Variants in NADSYN1 observed in about 807,000 individuals in gnomAD.
NADSYN1 encodes glutamine-dependent NAD(+) synthetase.
NADSYN1 carries 80 observed loss-of-function variants against 99.3 expected under a neutral mutation model. The observed-to-expected ratio is 0.81, with a 90% CI of 0.67 to 0.97. The LOEUF is 0.97. Ranked by LOEUF, NADSYN1 falls within the 50% of genes least tolerant of loss-of-function variation. NADSYN1 has a pLI of 0.00. For synonymous variants in NADSYN1, 385 were observed against 372.1 expected, an observed-to-expected ratio of 1.03 and a Z score of -0.40; for missense variants, 859 against 948.5, an observed-to-expected ratio of 0.91 and a Z score of 1.24.
intron 16 of NADSYN1, among the ~76,000 whole-genome samples, chr11:71,485,887 C>T (rs893896207): frequency 1.9e-4 from 29 of 152,152 alleles, no homozygotes; most frequent in South Asian, 2.1e-4. Context: ...ATCTCTACTG[C>T]GCCTCAAATT....
intron 5 of NADSYN1, among the ~76,000 whole-genome samples, chr11:71,467,301 A>G (rs543557285): frequency 2.0e-5 from 3 of 152,370 alleles, no homozygotes; most frequent in East Asian, 3.9e-4. Flanking sequence ...CGCTGGGCAC[A>G]GGCAAACAGA....
At position 71,487,825 on chromosome 11, in the gene NADSYN1, C is replaced by T. The variant is rs543406315; in HGVS notation, c.1562+2177C>T. ...CAGCCTGGGCGACAGAGCAAGACTCCGTCTCAAAAAAAAAAAAAAAAAAAA... is the reference window on the plus strand; with the variant it reads ...CAGCCTGGGCGACAGAGCAAGACTCTGTCTCAAAAAAAAAAAAAAAAAAAA... On this transcript the variant is annotated intron_variant, in intron 16 of 20. Coordinates refer to ENST00000319023, the MANE Select transcript of NADSYN1 (RefSeq NM_018161.5). 3.5e-3 allele frequency among the ~76,000 whole-genome samples: 271 copies of T among 76,788 alleles called. 1 individual carries two copies. Among genetic ancestry groups the T allele is most frequent in the African/African-American group, 8.9e-3 (253 of 28,278 alleles). The allele number at this position is 76,788 out of a possible 152,430, so 50.4% of individuals were successfully genotyped here.
intron 5 of NADSYN1, among the ~76,000 whole-genome samples, chr11:71,470,798 C>T (rs1046862263): frequency 2.0e-4 from 31 of 152,216 alleles, no homozygotes; most frequent in Non-Finnish European, 4.0e-4. Flanking sequence ...TGCTTCTGTT[C>T]TGTTCTTCAG....
In NADSYN1 at chr11:71,473,338, A is replaced by C; in HGVS notation, c.520A>C (p.Ile174Leu). 2.5e-6 allele frequency: 4 copies of C among 1,614,168 alleles called. No homozygotes were observed. The highest frequency in any genetic ancestry group is 3.4e-6 in the Non-Finnish European group (4 of 1,180,028). Residue 174 changes from isoleucine (I) to leucine (L), a missense_variant, in exon 7 of 21, where the codon ATC becomes CTC. Transcript: ENST00000319023. Reference sequence around the variant, plus strand: ...ATGGGACACCTGCATTGGAAGTGAGATCTGTGAGGAGCTCTGGACACCCCA... The same window carrying C: ...ATGGGACACCTGCATTGGAAGTGAGCTCTGTGAGGAGCTCTGGACACCCCA... ...VTWDTCIGSE[I>L]CEELWTPHSP...
chr11:71,482,135 G>A, intron 13 of NADSYN1, 110 bp downstream of exon 13: 1 of 951,662 alleles, frequency 1.1e-6, no homozygotes, highest in Non-Finnish European at 1.6e-6. Context: ...GGACATCGGG[G>A]TGAAGGGGGC....
Position 71,472,501 on chromosome 11 carries a change from G to T in NADSYN1, c.459+1G>T, listed in dbSNP as rs752454527. 2 of 1,613,348 alleles carry T rather than the reference G, an allele frequency of 1.2e-6. No homozygotes were observed. Among genetic ancestry groups the T allele is most frequent in the Non-Finnish European group, 1.7e-6 (2 of 1,179,278 alleles). On this transcript the variant is annotated splice_donor_variant, in intron 6 of 20. Transcript: ENST00000319023. LOFTEE classifies it high-confidence loss of function. The stretch of plus-strand genomic sequence containing the variant: ...GATGATACAGGACCTGACAAAGCAG[G>T]TGAGTCCCTGGGTGTGGAGCCCGTT...
chr11:71,469,172 G>C (rs1949611662), intron 5 of NADSYN1, among the ~76,000 whole-genome samples: 2 of 152,190 alleles, frequency 1.3e-5, no homozygotes, highest in Non-Finnish European at 2.9e-5. Context: ...AAGACCAAAC[G>C]AAAGGCCAGG....
At position 71,463,481 on chromosome 11, in the gene NADSYN1, A is replaced by G; in HGVS notation, c.313A>G (p.Asn105Asp). The change falls in exon 4 of 21, where the codon AAC (asparagine) becomes GAC (aspartate). Residue 105 changes from asparagine (N) to aspartate (D), a missense_variant. Coordinates refer to ENST00000319023, the MANE Select transcript of NADSYN1 (RefSeq NM_018161.5). Reference protein sequence around the residue: ...VRYNCRVIFLNRKILLIRPKM... With the variant: ...VRYNCRVIFLDRKILLIRPKM... Reference sequence around the variant, plus strand: ...CTACAACTGCAGAGTGATATTCCTCAACAGGTAGGCCCCCTGCCCCCACCC... The same window carrying G: ...CTACAACTGCAGAGTGATATTCCTCGACAGGTAGGCCCCCTGCCCCCACCC... 1 of 1,613,702 alleles carries G rather than the reference A, an allele frequency of 6.2e-7. No individual in the cohort carries two copies. The highest frequency in any genetic ancestry group is 1.1e-5 in the South Asian group (1 of 91,034).
At chr11:71,487,327 A>T (rs1459251535) in intron 16 of NADSYN1, among the ~76,000 whole-genome samples, 1 of 152,076 alleles carries the variant, frequency 6.6e-6, no homozygotes, top group African/African-American at 2.4e-5. Flanking sequence ...GCTCTGGTGT[A>T]GTTGAGGAGA....
intron 20 of NADSYN1, chr11:71,498,829 T>C: frequency 4.2e-6 from 1 of 235,408 alleles, no homozygotes; most frequent in South Asian, 6.3e-5. Flanking sequence ...CTATTATTTG[T>C]GTGTGGTAAG....
chr11:71,462,345 C>T (rs1257502828), intron 3 of NADSYN1, among the ~76,000 whole-genome samples: 1 of 152,228 alleles, frequency 6.6e-6, no homozygotes, highest in Non-Finnish European at 1.5e-5. Context: ...ATAACCCAGA[C>T]ATTCCTTTCT....
intron 14 of NADSYN1, among the ~76,000 whole-genome samples, chr11:71,483,333 C>T (rs1949721470): frequency 6.6e-6 from 1 of 152,106 alleles, no homozygotes; most frequent in Admixed American, 6.5e-5. Flanking sequence ...TCTGACCCAC[C>T]CCAGTCTCAG....
At position 71,482,976 on chromosome 11, in the gene NADSYN1, G is replaced by A; in HGVS notation, c.1278G>A (p.Glu426=). The change falls in exon 14 of 21, where the codon GAG becomes GAA. Residue 426 remains glutamate (E), a synonymous_variant. Coordinates refer to ENST00000319023, the MANE Select transcript of NADSYN1 (RefSeq NM_018161.5). ...CYMASKNSSQ[E]TCTRARELAQ... is the part of the protein sequence containing the mutation. ...TGGCCAGCAAGAACTCCTCCCAGGA[G>A]ACGTGCACCCGGGCCAGAGAGTTGG... 2 of 1,612,788 alleles carry A rather than the reference G, an allele frequency of 1.2e-6. No homozygotes were observed. The highest frequency in any genetic ancestry group is 1.7e-6 in the Non-Finnish European group (2 of 1,179,608).
chr11:71,501,259 T>C (rs765542191), intron 20 of NADSYN1, 43 bp from the exon 21 acceptor site: 13 of 1,486,994 alleles, frequency 8.7e-6, no homozygotes, highest in Non-Finnish European at 7.2e-6. Flanking sequence ...AGCCCCACAG[T>C]CCGTCTTTGC....
chr11:71,458,863 A>C, intron 3 of NADSYN1: 1 of 271,836 alleles, frequency 3.7e-6, no homozygotes, highest in Non-Finnish European at 7.3e-6. Context: ...CATCACAGGG[A>C]GCCCTGGGGC....
chr11:71,484,291 C>T (rs370085913), intron 14 of NADSYN1, 21 bp from the exon 15 acceptor site: 41 of 1,610,002 alleles, frequency 2.5e-5, no homozygotes, highest in Non-Finnish European at 3.0e-5. Flanking sequence ...CTGCCTTCAA[C>T]GCCTATCCTT....
chr11:71,474,443 C>A lies in NADSYN1; in HGVS notation c.715C>A (p.Arg239Ser). The A allele has an allele frequency of 4.3e-6, 7 of 1,614,172 alleles. No individual in the cohort carries two copies. The highest frequency in any genetic ancestry group is 5.9e-6 in the Non-Finnish European group (7 of 1,180,034). The change falls in exon 9 of 21, where the codon CGC (arginine) becomes AGC (serine). Residue 239 changes from arginine to serine, a missense_variant. By Grantham distance (110) the Arg-to-Ser change is moderately radical. Transcript: ENST00000319023. ...CAACCAGAAGGGTTGTGACGGGGAC[C>A]GCCTGTACTACGACGGCTGTGCCAT... ...LANQKGCDGD[R>S]LYYDGCAMIA...
At chr11:71,492,213 T>TA (rs1381048697) in intron 18 of NADSYN1, among the ~76,000 whole-genome samples, 1 of 152,166 alleles carries the variant, frequency 6.6e-6, no homozygotes, top group African/African-American at 2.4e-5. Context: ...TAGAGCGATG[T>TA]AGGAGGAGAA....
chr11:71,490,522 CG>C (rs1400651576), intron 16 of NADSYN1, among the ~76,000 whole-genome samples: 1 of 152,168 alleles, frequency 6.6e-6, no homozygotes, highest in African/African-American at 2.4e-5. Flanking sequence ...AGAGTGTCCA[CG>C]TGTGTCCAGT....
Sources: gnomAD v4.1 joint callset for allele counts (sites outside exome capture counted in the v4.1 genomes callset) on GRCh38, gnomAD v4.1.1 for gene constraint, MANE v1.5 for transcripts, NCBI Gene and HGNC (gene_info 2026-07-23, HGNC 2026-07-21) for gene names.